MGA: variants seen among roughly 807,000 people sequenced by gnomAD.
MGA encodes the protein MAX dimerization protein MGA.
In MGA, 40 loss-of-function variants were observed where a neutral mutation model predicts 261.1. That is an observed-to-expected ratio of 0.15 (90% CI 0.12 to 0.20). The LOEUF (loss-of-function observed/expected upper bound fraction) is 0.20. Among genes scored for constraint, MGA ranks in the 10% least tolerant of loss-of-function variants. The pLI is 1.00. For synonymous variants in MGA, 1,302 were observed against 1,290.6 expected (o/e 1.01, Z -0.19); for missense variants, 3,397 against 3,630.5 (o/e 0.94, Z 1.65).
chr15:41,730,797 T>G (rs1055634939), intron 11 of MGA, among the ~76,000 whole-genome samples: 5 of 152,244 alleles, frequency 3.3e-5, no homozygotes, highest in African/African-American at 1.2e-4. Context: ...ATATTCAAAG[T>G]AAATCCCTCC....
chr15:41,743,113 G>C lies in MGA; in HGVS notation c.5153G>C (p.Gly1718Ala). ...GTGACCACACCAACTTCATCTCTGG[G>C]CTCTGTTCCTATTATACTCTCAGGA... The change falls in exon 15 of 24, where the codon GGC becomes GCC. Residue 1718 changes from glycine to alanine, a missense_variant. Transcript: ENST00000219905. The C allele has an allele frequency of 6.2e-7, 1 of 1,613,622 alleles. No individual in the cohort carries two copies. Among genetic ancestry groups the C allele is most frequent in the Non-Finnish European group, 8.5e-7 (1 of 1,179,728 alleles).
chr15:41,632,783 GA>G (rs57577596), intron 1 of MGA, among the ~76,000 whole-genome samples: 109,208 of 146,860 alleles, frequency 0.74, 41,809 homozygotes, highest in East Asian at 0.88. Flanking sequence ...AGGAGATAGG[GA>G]AAAAAAAAAA....
At chr15:41,730,697 A>T (rs1434153505) in intron 11 of MGA, among the ~76,000 whole-genome samples, 1 of 152,162 alleles carries the variant, frequency 6.6e-6, no homozygotes, top group Non-Finnish European at 1.5e-5. Flanking sequence ...ATAAAGACAA[A>T]ATATGTCTTC....
rs1193742993 is a variant in MGA at position 41,749,933 on chromosome 15, T to C, written c.6326T>C (p.Leu2109Pro). 6.2e-7 allele frequency: 1 copy of C among 1,613,764 alleles called. No individual in the cohort carries two copies. Among genetic ancestry groups the C allele is most frequent in the Non-Finnish European group, 8.5e-7 (1 of 1,179,842 alleles). ...TTAAGTAAAGTACAGCATCAAAAAC[T>C]TGGTGATGTGAAGGTGGAACAGCAG... The change falls in exon 17 of 24, where the codon CTT (leucine) becomes CCT (proline). Residue 2109 changes from leucine (L) to proline (P), a missense_variant. Transcript: ENST00000219905.
chr15:41,719,373 G>T (rs554310216), intron 9 of MGA, among the ~76,000 whole-genome samples: 2 of 152,236 alleles, frequency 1.3e-5, no homozygotes, highest in East Asian at 3.9e-4. Context: ...AGGCTTCTGG[G>T]GGATAGAAAT....
Position 41,750,622 on chromosome 15 carries a change from A to C in MGA, c.7008+7A>C, listed in dbSNP as rs1329871172. The C allele has an allele frequency of 6.3e-7, 1 of 1,594,006 alleles. No homozygotes were observed. The highest frequency in any genetic ancestry group is 1.1e-5 in the South Asian group (1 of 88,202). The stretch of plus-strand genomic sequence containing the variant: ...GGTTGATGATGTAGAAAAGGTGGTG[A>C]GCCCATTTTTGTTGTGACTGAAACC... On this transcript the variant is annotated splice_region_variant and intron_variant, in intron 17 of 23. Coordinates refer to ENST00000219905, the MANE Select transcript of MGA (RefSeq NM_001164273.2).
chr15:41,705,866 C>T (rs553844431), intron 5 of MGA, among the ~76,000 whole-genome samples: 9 of 152,198 alleles, frequency 5.9e-5, no homozygotes, highest in South Asian at 2.1e-4. Flanking sequence ...CTATATTTCC[C>T]GTAGTTGATT....
intron 1 of MGA, among the ~76,000 whole-genome samples, chr15:41,655,126 A>T: frequency 6.8e-6 from 1 of 147,670 alleles, no homozygotes; most frequent in African/African-American, 2.5e-5. Flanking sequence ...ATGGCATGGT[A>T]TTTGCATGTA....
At chr15:41,673,211 CTT>C (rs2058168037) in intron 2 of MGA, among the ~76,000 whole-genome samples, 1 of 151,682 alleles carries the variant, frequency 6.6e-6, no homozygotes, top group African/African-American at 2.4e-5. Context: ...CTTAGTTTTT[CTT>C]TCTTTCTTTT....
intron 5 of MGA, among the ~76,000 whole-genome samples, chr15:41,703,640 G>T (rs2059965715): frequency 6.6e-6 from 1 of 152,012 alleles, no homozygotes; most frequent in Non-Finnish European, 1.5e-5. Flanking sequence ...TACTCTGGAG[G>T]CTGAGGCAGG....
chr15:41,665,567 T>C (rs1288354771), intron 1 of MGA, among the ~76,000 whole-genome samples: 1 of 152,170 alleles, frequency 6.6e-6, no homozygotes, highest in Non-Finnish European at 1.5e-5. Flanking sequence ...GGAGTCTCAC[T>C]GTGTTTTCCA....
rs566821102 is a variant in MGA, at chr15:41,662,508, C to T, written c.-68+1983C>T. On this transcript the variant is annotated intron_variant, in intron 1 of 23. Coordinates refer to ENST00000219905, the MANE Select transcript of MGA (RefSeq NM_001164273.2). ...CTATAAGGTTGTGACGATAAAATGC[C>T]CAGGATATTGTCTGTTCCGAAGTGA... is the stretch of plus-strand genomic sequence containing the variant. 3.0e-4 allele frequency among the ~76,000 whole-genome samples: 45 copies of T among 152,136 alleles called. 1 individual carries two copies. The highest frequency in any genetic ancestry group is 1.0e-3 in the African/African-American group (42 of 41,494).
chr15:41,758,018 T>TC (rs2063241344), intron 19 of MGA, among the ~76,000 whole-genome samples, 179 bp downstream of exon 19: 1 of 152,156 alleles, frequency 6.6e-6, no homozygotes, highest in African/African-American at 2.4e-5. Flanking sequence ...GTCCTTTTTT[T>TC]CCCTTTTAAT....
At position 41,729,325 on chromosome 15, in the gene MGA, C is replaced by T; in HGVS notation, c.3819C>T (p.Ser1273=). 1 of 1,612,558 alleles carries T rather than the reference C, an allele frequency of 6.2e-7. No homozygotes were observed. Among genetic ancestry groups the T allele is most frequent in the Non-Finnish European group, 8.5e-7 (1 of 1,179,524 alleles). Residue 1273 remains serine (S), a synonymous_variant, in exon 11 of 24, where the codon AGC becomes AGT. Transcript: ENST00000219905. ...AGCAGCAAACTTCATGTCATTCTAG[C>T]CCTGAGAACCATAATAATGCAAAGG...
In MGA at chr15:41,669,866, T is replaced by G. The variant is rs1206623880; in HGVS notation, c.972T>G (p.Thr324=). Residue 324 remains threonine (T), a synonymous_variant, in exon 2 of 24, where the codon ACT becomes ACG. Coordinates refer to ENST00000219905, the MANE Select transcript of MGA (RefSeq NM_001164273.2). ...CATCAGGCAAGGGTTTGGAGAAGACTTCCCTTAATATAAAACGAGACTTTC... is the reference window on the plus strand; with the variant it reads ...CATCAGGCAAGGGTTTGGAGAAGACGTCCCTTAATATAAAACGAGACTTTC... The G allele has an allele frequency of 6.2e-7, 1 of 1,614,004 alleles. No individual in the cohort carries two copies. The highest frequency in any genetic ancestry group is 8.5e-7 in the Non-Finnish European group (1 of 1,179,886).
intron 5 of MGA, among the ~76,000 whole-genome samples, chr15:41,699,382 A>G (rs563199553): frequency 6.6e-6 from 1 of 152,176 alleles, no homozygotes; most frequent in African/African-American, 2.4e-5. Context: ...CTAATATCTT[A>G]TGTAAGAAAA....
intron 2 of MGA, among the ~76,000 whole-genome samples, chr15:41,676,303 C>T (rs1330562063): frequency 1.3e-5 from 2 of 152,178 alleles, no homozygotes; most frequent in Non-Finnish European, 2.9e-5. Flanking sequence ...CTGCCTCAGC[C>T]TCCCGAGTAG....
rs2061180687 is a variant in MGA, at chr15:41,725,559, C to CAAGTAAAAAT, written c.3431-1621_3431-1620insAAGTAAAAAT. On this transcript the variant is annotated intron_variant, in intron 9 of 23. Transcript: ENST00000219905. ...AAAAAAATAAATAAGTAGGGCCGGG[C>CAAGTAAAAAT]GCGGTGGCTCACGCCTGTAATCCCA... 2.4e-3 allele frequency among the ~76,000 whole-genome samples: 20 copies of CAAGTAAAAAT among 8,210 alleles called. 9 individuals are homozygous for CAAGTAAAAAT. Among genetic ancestry groups the CAAGTAAAAAT allele is most frequent in the Non-Finnish European group, 7.6e-3 (17 of 2,230 alleles). 5.4% of individuals were successfully genotyped at this position (8,210 alleles called of 152,430 possible). A position where few individuals can be genotyped will look rare whatever the true frequency, so the allele number is the denominator to read the frequency against.
intron 2 of MGA, among the ~76,000 whole-genome samples, chr15:41,681,604 C>T (rs1026163500): frequency 9.9e-5 from 15 of 152,088 alleles, no homozygotes; most frequent in Non-Finnish European, 2.1e-4. Flanking sequence ...GTGTGTGCCT[C>T]CTCGCTTGGT....
Sources: gnomAD v4.1 joint callset for allele counts (sites outside exome capture counted in the v4.1 genomes callset) on GRCh38, gnomAD v4.1.1 for gene constraint, MANE v1.5 for transcripts, NCBI Gene and HGNC (gene_info 2026-07-23, HGNC 2026-07-21) for gene names.